DIDO1: variants seen among roughly 807,000 people sequenced by gnomAD.
DIDO1 encodes death inducer-obliterator 1.
A neutral mutation model predicts 99.4 loss-of-function variants in DIDO1; 16 were observed. The observed-to-expected ratio is 0.16, with a 90% CI of 0.11 to 0.24. The LOEUF is 0.24. Among genes scored for constraint, DIDO1 ranks in the 10% least tolerant of loss-of-function variants. DIDO1 has a pLI of 1.00. For missense variants in DIDO1, 2,996 were observed against 3,014.0 expected, an observed-to-expected ratio of 0.99 and a Z score of 0.14; for synonymous variants, 1,366 against 1,239.1, an observed-to-expected ratio of 1.10 and a Z score of -2.15.
chr20:62,896,659 C>T lies in DIDO1; in HGVS notation c.1926G>A (p.Val642=). The change falls in exon 7 of 16, where the codon GTG becomes GTA. Residue 642 remains valine (V), a synonymous_variant. Transcript: ENST00000395343. This position sits in a 1 kb window ranked among gnomAD's most constrained non-coding sequence, Gnocchi z 4.4. ...AALVGAVRKP[V]VPSVPMASPA... ...GCGAGGCCATTGGAACAGAAGGTAC[C>T]ACTGGCTTCCTTACGGCTCCCACCA... 6.8e-6 allele frequency: 11 copies of T among 1,614,108 alleles called. No homozygotes were observed. The South Asian group carries it at 1.1e-4, about 16-fold the overall frequency.
chr20:62,896,812 C>T lies in DIDO1; in HGVS notation c.1773G>A (p.Lys591=), dbSNP rs749034633. 1.9e-6 allele frequency: 3 copies of T among 1,614,182 alleles called. No individual in the cohort carries two copies. The highest frequency in any genetic ancestry group is 2.2e-5 in the East Asian group (1 of 44,882). ...PAIKKPPSGF[K]GTIPKRPWLS... ...GCCATGGCCTCTTGGGGATGGTGCC[C>T]TTGAAACCTGAGGGTGGCTTTTTAA... The change falls in exon 7 of 16, where the codon AAG becomes AAA. Residue 591 remains lysine (K), a synonymous_variant. Coordinates refer to ENST00000395343, the MANE Select transcript of DIDO1 (RefSeq NM_001193369.2). The surrounding 1 kb of genome is among the most constrained non-coding windows in gnomAD (Gnocchi z 4.4).
At chr20:62,906,149 C>T (rs900189620) in intron 5 of DIDO1, 49 bp from the exon 6 acceptor site, 2 of 1,570,250 alleles carry the variant, frequency 1.3e-6, no homozygotes, top group South Asian at 2.3e-5. Flanking sequence ...AGAAATCATA[C>T]CTTCACTTCA....
chr20:62,894,255 C>A lies in DIDO1; in HGVS notation c.2573-61G>T. On this transcript the variant is annotated intron_variant, in intron 11 of 15. Transcript: ENST00000395343. This position sits in a 1 kb window ranked among gnomAD's most constrained non-coding sequence, Gnocchi z 4.4. ...AGCCGGCACACTGGTGTTTCTCACA[C>A]AAAGCCGAAAGCAATACTCTAAAGG... The A allele has an allele frequency of 6.3e-7, 1 of 1,586,326 alleles. No individual in the cohort carries two copies. Among genetic ancestry groups the A allele is most frequent in the Non-Finnish European group, 8.6e-7 (1 of 1,164,520 alleles).
chr20:62,916,240 T>A (rs1308424994), intron 1 of DIDO1, among the ~76,000 whole-genome samples: 1 of 152,220 alleles, frequency 6.6e-6, no homozygotes, highest in Non-Finnish European at 1.5e-5. Flanking sequence ...AATGTGGGTA[T>A]CCTTGAAGCT....
In DIDO1 at chr20:62,881,969, G is replaced by A. The variant is rs143994206; in HGVS notation, c.3987C>T (p.Asp1329=). The A allele has an allele frequency of 3.5e-5, 57 of 1,613,382 alleles. No individual in the cohort carries two copies. In the African/African-American group the frequency reaches 6.5e-4, roughly 18 times the overall value. The change falls in exon 16 of 16, where the codon GAC becomes GAT. Residue 1329 remains aspartate (D), a synonymous_variant. Transcript: ENST00000395343. This position sits in a 1 kb window ranked among gnomAD's most constrained non-coding sequence, Gnocchi z 8.3. The part of the protein sequence containing the change: ...QTLFGKKKSF[D]PSAREPPGST... ...ACCCGGGAGGCTCTCTGGCGGACGG[G>A]TCGAATGATTTCTTCTTTCCAAAGA...
At chr20:62,925,846 C>A (rs942497085) in intron 1 of DIDO1, among the ~76,000 whole-genome samples, 1 of 152,202 alleles carries the variant, frequency 6.6e-6, no homozygotes, top group Admixed American at 6.5e-5. Flanking sequence ...TGAAAACCAG[C>A]GCGGGGAGGT....
chr20:62,881,407 A>T lies in DIDO1; in HGVS notation c.4549T>A (p.Ser1517Thr). ...VGVSMAHFSV[S>T]DALMSPPPKS... is the part of the protein sequence containing the mutation. ...GGTGGTGGAGACATCAAGGCGTCCG[A>T]CACCGAGAAGTGGGCCATGGAGACC... Residue 1517 changes from serine (S) to threonine (T), a missense_variant, in exon 16 of 16, where the codon TCG becomes ACG. Ser to Thr is a moderately conservative substitution (Grantham distance 58). Around this residue, in one of 5 missense-constraint regions of DIDO1, gnomAD observed 1,562 missense variants for 1,412.6 expected, o/e 1.11. Transcript: ENST00000395343. This position sits in a 1 kb window ranked among gnomAD's most constrained non-coding sequence, Gnocchi z 8.3. 6.2e-7 allele frequency: 1 copy of T among 1,601,546 alleles called. No individual in the cohort carries two copies. The highest frequency in any genetic ancestry group is 8.5e-7 in the Non-Finnish European group (1 of 1,177,628).
chr20:62,905,518 G>A, intron 6 of DIDO1: 3 of 1,551,026 alleles, frequency 1.9e-6, no homozygotes, highest in Non-Finnish European at 2.6e-6. Context: ...CAACTCATGT[G>A]CAGACAGGGG....
intron 1 of DIDO1, among the ~76,000 whole-genome samples, chr20:62,918,427 G>A (rs1401927237): frequency 3.9e-5 from 6 of 152,206 alleles, no homozygotes; most frequent in Non-Finnish European, 8.8e-5. Context: ...GAGCCACAGT[G>A]CCCAGCTCCC....
In DIDO1 at chr20:62,893,756, G is replaced by T. The variant is rs369816036; in HGVS notation, c.3011C>A (p.Thr1004Asn). Residue 1004 changes from threonine to asparagine, a missense_variant, in exon 12 of 16, where the codon ACT becomes AAT. Around this residue, in one of 5 missense-constraint regions of DIDO1, gnomAD observed 898 missense variants for 972.7 expected, o/e 0.92. Coordinates refer to ENST00000395343, the MANE Select transcript of DIDO1 (RefSeq NM_001193369.2). ...TATGGACTTGGGCACCATCACAGAA[G>T]TCAAGACAGGCTTCGGCACATCCTG... is the stretch of plus-strand genomic sequence containing the variant. ...ARQDVPKPVLTSVMVPKSILA... is the reference protein window; with the variant it reads ...ARQDVPKPVLNSVMVPKSILA... 1.5e-4 allele frequency: 241 copies of T among 1,614,134 alleles called. No individual in the cohort carries two copies. The highest frequency in any genetic ancestry group is 2.0e-4 in the Non-Finnish European group (235 of 1,180,060).
rs1172631342 is a variant in DIDO1, at chr20:62,882,202, C to T, written c.3754G>A (p.Ala1252Thr). ...GACCCAGGAGGTGTGGTGCTGACAG[C>T]CGCGTCTGCAGAGCAGAGTGGATAC... ...SKYPLCSADA[A>T]VSTTPPGSPP... is the part of the protein sequence containing the mutation. Residue 1252 changes from alanine to threonine, a missense_variant, in exon 16 of 16, where the codon GCT (alanine) becomes ACT (threonine). Ala to Thr is a moderately conservative substitution (Grantham distance 58). Transcript: ENST00000395343. The T allele has an allele frequency of 3.7e-6, 6 of 1,613,580 alleles. No individual in the cohort carries two copies. Among genetic ancestry groups the T allele is most frequent in the Non-Finnish European group, 5.1e-6 (6 of 1,180,022 alleles).
Position 62,895,073 on chromosome 20 carries a change from C to T in DIDO1, c.2307G>A (p.Thr769=), listed in dbSNP as rs769614791. Residue 769 remains threonine (T), a synonymous_variant, in exon 9 of 16, where the codon ACG becomes ACA. Coordinates refer to ENST00000395343, the MANE Select transcript of DIDO1 (RefSeq NM_001193369.2). ...CAGATCTCGCTGGCCTCTCTTTCCA[C>T]GTGGAAAGCTCTTTAGATACAAGTT... ...PEELVSKELS[T]WKERPARSVM... 8 of 1,610,300 alleles carry T rather than the reference C, an allele frequency of 5.0e-6. No individual in the cohort carries two copies. The highest frequency in any genetic ancestry group is 4.0e-5 in the African/African-American group (3 of 74,876).
rs764795959 is a variant in DIDO1, at chr20:62,879,822, C to T, written c.6134G>A (p.Gly2045Glu). 1.2e-6 allele frequency: 2 copies of T among 1,609,018 alleles called. No individual in the cohort carries two copies. Among genetic ancestry groups the T allele is most frequent in the South Asian group, 1.1e-5 (1 of 90,932 alleles). Residue 2045 changes from glycine to glutamate, a missense_variant, in exon 16 of 16, where the codon GGG (glycine) becomes GAG (glutamate). Physicochemically the swap from Gly to Glu is moderately conservative, Grantham distance 98 (BLOSUM62 -2). Around this residue, in one of 5 missense-constraint regions of DIDO1, gnomAD observed 1,562 missense variants for 1,412.6 expected, o/e 1.11. Coordinates refer to ENST00000395343, the MANE Select transcript of DIDO1 (RefSeq NM_001193369.2). The surrounding 1 kb of genome is among the most constrained non-coding windows in gnomAD (Gnocchi z 6.3). Reference protein sequence around the residue: ...QHRKDRWEEAGPPSALSSSAP... With the variant: ...QHRKDRWEEAEPPSALSSSAP... The stretch of plus-strand genomic sequence containing the variant: ...ACTGGAGGAGAGCGCGGAGGGCGGC[C>T]CGGCCTCCTCCCAGCGGTCCTTCCG...
At chr20:62,887,913 C>T (rs183546965) in intron 15 of DIDO1, 27 of 985,452 alleles carry the variant, frequency 2.7e-5, no homozygotes, top group East Asian at 2.3e-4. Context: ...GCCCCCACTG[C>T]GGGGCAGAGG....
At chr20:62,892,351 C>T (rs1467121749) in intron 13 of DIDO1, among the ~76,000 whole-genome samples, 2 of 152,182 alleles carry the variant, frequency 1.3e-5, no homozygotes, top group South Asian at 2.1e-4. Flanking sequence ...CAGAGAGTAA[C>T]GATTCACTAT....
At chr20:62,902,899 C>G (rs1448601887) in intron 6 of DIDO1, among the ~76,000 whole-genome samples, 1 of 152,146 alleles carries the variant, frequency 6.6e-6, no homozygotes. Flanking sequence ...TTTAGGGAGA[C>G]AAAATACTAG....
intron 6 of DIDO1, chr20:62,905,290 C>T (rs896529314): frequency 1.7e-5 from 23 of 1,385,902 alleles, no homozygotes; most frequent in Non-Finnish European, 1.9e-5. Flanking sequence ...GTGTGGCCTT[C>T]GAAGTTCGAA....
chr20:62,904,780 CAAAAAAAAAA>C (rs58039393), intron 6 of DIDO1, among the ~76,000 whole-genome samples: 1,450 of 62,626 alleles, frequency 0.023, 45 homozygotes, highest in South Asian at 0.05. Context: ...ACTCTTGTCT[CAAAAAAAAAA>C]AAAAAAAAAA....
chr20:62,895,661 C>T (rs1246744162), intron 8 of DIDO1, among the ~76,000 whole-genome samples: 1 of 152,162 alleles, frequency 6.6e-6, no homozygotes, highest in African/African-American at 2.4e-5. Context: ...GGAGAGAGAA[C>T]ACCACAAGGC....
Sources: gnomAD v4.1 joint callset for allele counts (sites outside exome capture counted in the v4.1 genomes callset) on GRCh38, gnomAD v4.1.1 for gene constraint, gnomAD v4.1.1 regional missense constraint, Gnocchi (gnomAD v3.1) non-coding constraint, MANE v1.5 for transcripts, NCBI Gene and HGNC (gene_info 2026-07-23, HGNC 2026-07-21) for gene names.